CEP112: variants seen among roughly 807,000 people sequenced by gnomAD.
CEP112 encodes centrosomal protein 112.
In CEP112, 127 loss-of-function variants were observed where a neutral mutation model predicts 153.0. That is an observed-to-expected ratio of 0.83 (90% CI 0.72 to 0.96). The LOEUF is 0.96. CEP112 is among the 40% of genes least tolerant of loss of function. CEP112 has a pLI of 0.00. For synonymous variants in CEP112, 358 were observed against 374.4 expected, an observed-to-expected ratio of 0.96 and a Z score of 0.51; for missense variants, 1,089 against 1,101.2, an observed-to-expected ratio of 0.99 and a Z score of 0.16.
chr17:65,744,453 G>A (rs1425548198), intron 22 of CEP112, among the ~76,000 whole-genome samples: 1 of 151,756 alleles, frequency 6.6e-6, no homozygotes, highest in Non-Finnish European at 1.5e-5. Flanking sequence ...CACCATATTG[G>A]CCAGACTGGT....
At chr17:65,872,869 T>C (rs1440362198) in intron 20 of CEP112, 1 of 152,240 alleles carries the variant, frequency 6.6e-6, no homozygotes, top group Non-Finnish European at 1.5e-5. Flanking sequence ...AAAAGCTTTG[T>C]CCATGTAACT....
chr17:65,883,313 CATCTATATACTTCGTATATATATG>C (rs1351259310), intron 20 of CEP112, among the ~76,000 whole-genome samples: 1 of 150,684 alleles, frequency 6.6e-6, no homozygotes, highest in Non-Finnish European at 1.5e-5. Context: ...ACACACACTT[CATCTATATACTTCGTATATATATG>C]ATGTATATGT....
chr17:65,963,380 C>A (rs1167411948), intron 17 of CEP112, among the ~76,000 whole-genome samples: 1 of 152,046 alleles, frequency 6.6e-6, no homozygotes, highest in Non-Finnish European at 1.5e-5. Flanking sequence ...AAGACTTGGG[C>A]AAAAAGTAAT....
chr17:65,685,525 A>G (rs970163119), intron 24 of CEP112, among the ~76,000 whole-genome samples: 1 of 152,156 alleles, frequency 6.6e-6, no homozygotes, highest in Non-Finnish European at 1.5e-5. Context: ...CGATTGGCTG[A>G]TGTGAGGCTA....
At chr17:65,891,981 T>G (rs891641437) in intron 20 of CEP112, among the ~76,000 whole-genome samples, 1 of 152,194 alleles carries the variant, frequency 6.6e-6, no homozygotes, top group African/African-American at 2.4e-5. Flanking sequence ...CACCTACAAG[T>G]TATTGCTATG....
intron 21 of CEP112, among the ~76,000 whole-genome samples, chr17:65,762,127 C>T (rs1261535192): frequency 2.0e-5 from 3 of 151,944 alleles, no homozygotes; most frequent in African/African-American, 4.8e-5. Context: ...TACATATACA[C>T]CTGTTAAGGA....
chr17:66,133,360 G>T (rs148735025), intron 4 of CEP112, among the ~76,000 whole-genome samples: 196 of 152,234 alleles, frequency 1.3e-3, no homozygotes, highest in African/African-American at 4.6e-3. Context: ...ACATCAACAT[G>T]AAGCCTTAAA....
At position 66,175,134 on chromosome 17, in the gene CEP112, A is replaced by G. The variant is rs922367680; in HGVS notation, c.380T>C (p.Leu127Pro). ...EGLPAWVLGE[L>P]ETSEHKLNES... ...ATTTAATTTGTGTTCACTTGTCTCC[A>G]GCTCACCCAGTACCCAGGCTGGTAA... Residue 127 changes from leucine (L) to proline (P), a missense_variant, in exon 4 of 27, where the codon CTG becomes CCG. By Grantham distance (98) the Leu-to-Pro change is moderately conservative (BLOSUM62 -3). Transcript: ENST00000535342. 2 of 1,613,434 alleles carry G rather than the reference A, an allele frequency of 1.2e-6. No individual in the cohort carries two copies. The highest frequency in any genetic ancestry group is 1.3e-5 in the African/African-American group (1 of 74,918).
In CEP112 at chr17:65,852,035, C is replaced by T. The variant is rs762903928; in HGVS notation, c.2164-1G>A. On this transcript the variant is annotated splice_acceptor_variant, in intron 20 of 26. Transcript: ENST00000535342. LOFTEE classifies it high-confidence loss of function. ...CCTGGGCCTCCATGTCGGCAATAAC[C>T]TTGTTTTTAAAAATGGAAAAATGGG... is the stretch of plus-strand genomic sequence containing the variant. 1.3e-6 allele frequency: 2 copies of T among 1,595,634 alleles called. No individual in the cohort carries two copies. The highest frequency in any genetic ancestry group is 1.7e-6 in the Non-Finnish European group (2 of 1,174,382).
intron 24 of CEP112, among the ~76,000 whole-genome samples, chr17:65,647,688 G>T (rs544174009): frequency 6.1e-5 from 9 of 147,774 alleles, no homozygotes; most frequent in Non-Finnish European, 7.4e-5. Context: ...TCACTATGTT[G>T]CCTAGGCTGG....
chr17:66,088,887 C>A (rs1405347770), intron 8 of CEP112, among the ~76,000 whole-genome samples: 2 of 152,118 alleles, frequency 1.3e-5, no homozygotes, highest in Non-Finnish European at 2.9e-5. Flanking sequence ...CATCCCAGAA[C>A]CTGTCTGGCC....
intron 18 of CEP112, among the ~76,000 whole-genome samples, chr17:65,938,414 TAAAAAAA>T (rs1555722412): frequency 5.7e-5 from 3 of 52,902 alleles, no homozygotes; most frequent in Non-Finnish European, 8.1e-5. Flanking sequence ...GAATGATCAA[TAAAAAAA>T]AAAAAAAAAA....
chr17:66,041,130 T>A (rs954319864), intron 12 of CEP112, among the ~76,000 whole-genome samples: 2 of 151,454 alleles, frequency 1.3e-5, no homozygotes, highest in African/African-American at 4.8e-5. Flanking sequence ...GTAATTTTCA[T>A]TAAAACTATT....
chr17:66,138,167 C>A (rs576981556), intron 4 of CEP112, among the ~76,000 whole-genome samples: 2 of 152,062 alleles, frequency 1.3e-5, no homozygotes, highest in Non-Finnish European at 2.9e-5. Context: ...CCTCGCCCAA[C>A]TAAAATTAGT....
At chr17:66,066,517 ACT>A (rs2040162594) in intron 10 of CEP112, among the ~76,000 whole-genome samples, 3 of 151,924 alleles carry the variant, frequency 2.0e-5, no homozygotes, top group Non-Finnish European at 4.4e-5. Context: ...TACTCTTCCA[ACT>A]CTGTATCTAA....
intron 17 of CEP112, among the ~76,000 whole-genome samples, chr17:66,003,786 A>G (rs1483810785): frequency 2.0e-5 from 3 of 152,092 alleles, no homozygotes; most frequent in Admixed American, 6.6e-5. Flanking sequence ...CGTGAACCCT[A>G]TTGTGAACTG....
At chr17:66,094,830 T>G (rs1164363795) in intron 8 of CEP112, among the ~76,000 whole-genome samples, 2 of 152,066 alleles carry the variant, frequency 1.3e-5, no homozygotes, top group East Asian at 3.9e-4. Flanking sequence ...GATTTTAAAA[T>G]GGGCAAAGGA....
chr17:66,007,350 T>C (rs2064318795), intron 16 of CEP112, among the ~76,000 whole-genome samples: 2 of 152,174 alleles, frequency 1.3e-5, no homozygotes, highest in South Asian at 2.1e-4. Context: ...AAAGAACAAC[T>C]TGCCTTGCAA....
In CEP112 at chr17:66,022,725, A is replaced by G. The variant is rs548707425; in HGVS notation, c.1656+4776T>C. ...CTCCGCCTCAAGAAAAAAAAAAAAA[A>G]AAAGAAATGCCAGATAAAGAAGTAA... is the stretch of plus-strand genomic sequence containing the variant. On this transcript the variant is annotated intron_variant, in intron 16 of 26. Transcript: ENST00000535342. 8.4e-4 allele frequency among the ~76,000 whole-genome samples: 128 copies of G among 151,630 alleles called. 3 individuals carry two copies. Among genetic ancestry groups the G allele is most frequent in the South Asian group, 8.3e-3 (40 of 4,816 alleles).
Sources: gnomAD v4.1 joint callset for allele counts (sites outside exome capture counted in the v4.1 genomes callset) on GRCh38, gnomAD v4.1.1 for gene constraint, MANE v1.5 for transcripts, NCBI Gene and HGNC (gene_info 2026-07-23, HGNC 2026-07-21) for gene names.